Variants in CRYBA4 observed in about 807,000 individuals in gnomAD.
The protein encoded by CRYBA4 is crystallin beta A4.
In CRYBA4, 30 loss-of-function variants were observed where a neutral mutation model predicts 31.7. The ratio of observed to expected loss-of-function variants is 0.95; its 90% CI spans 0.71 to 1.28. The LOEUF is 1.28. Among genes scored for constraint, CRYBA4 ranks in the 50% most tolerant of loss-of-function variants. The probability of loss-of-function intolerance (pLI) is 0.00; values close to 1 mark genes in which losing one functional copy is unlikely to be tolerated. For missense variants in CRYBA4, 225 were observed against 260.7 expected (o/e 0.86, Z 0.94); for synonymous variants, 102 against 102.3 (o/e 1.00, Z 0.02).
chr22:26,628,470 AC>A, intron 5 of CRYBA4, 40 bp downstream of exon 5: 1 of 1,611,236 alleles, frequency 6.2e-7, no homozygotes, highest in Non-Finnish European at 8.5e-7. Context: ...GGGAGGGGCT[AC>A]TGGGAGGGGT....
chr22:26,612,484 T>A, the CRYBA4 span, among the ~76,000 whole-genome samples: 3 of 152,166 alleles, frequency 2.0e-5, no homozygotes, highest in Non-Finnish European at 4.4e-5. Context: ...CACCTCAGCC[T>A]CCGAGTAGTT....
the CRYBA4 span, chr22:26,616,235 C>T: frequency 1.2e-6 from 2 of 1,614,144 alleles, no homozygotes; most frequent in Non-Finnish European, 1.7e-6. Flanking sequence ...GATGTTCCTG[C>T]AGGTGGGGCC....
At chr22:26,627,476 CTCTTTCTTTCCT>C (rs1569211867) in intron 4 of CRYBA4, among the ~76,000 whole-genome samples, 8 of 71,480 alleles carry the variant, frequency 1.1e-4, no homozygotes, top group South Asian at 1.1e-3. Flanking sequence ...TTCTTTCTTT[CTCTTTCTTTCCT>C]TTTCTTTCTT....
the CRYBA4 span, among the ~76,000 whole-genome samples, chr22:26,603,125 C>CAAAAAA: frequency 1.4e-4 from 10 of 69,320 alleles, no homozygotes; most frequent in Non-Finnish European, 1.9e-4. Context: ...GACTCCGTCT[C>CAAAAAA]AAAAAAAAAA....
At chr22:26,600,446 C>T in the CRYBA4 span, among the ~76,000 whole-genome samples, 1 of 151,968 alleles carries the variant, frequency 6.6e-6, no homozygotes, top group Non-Finnish European at 1.5e-5. Flanking sequence ...TGCATCAGTG[C>T]GTAGCAGCTG....
In CRYBA4 at chr22:26,626,726, A is replaced by T. The variant is rs538337695; in HGVS notation, c.300+1104A>T. ...TTGAGTGTCATGTCGTCACTCAAAAAGTTTTAGATTTTGGAGCATTTTGGA... is the reference window on the plus strand; with the variant it reads ...TTGAGTGTCATGTCGTCACTCAAAATGTTTTAGATTTTGGAGCATTTTGGA... On this transcript the variant is annotated intron_variant, in intron 4 of 5. Transcript: ENST00000354760. 2.6e-5 allele frequency among the ~76,000 whole-genome samples: 4 copies of T among 152,322 alleles called. No homozygotes were observed. In the East Asian group the frequency reaches 7.7e-4, roughly 29 times the overall value.
chr22:26,600,380 G>T, the CRYBA4 span, among the ~76,000 whole-genome samples: 1 of 151,932 alleles, frequency 6.6e-6, no homozygotes, highest in Non-Finnish European at 1.5e-5. Context: ...CCAGCCTGAG[G>T]GACAGAGCGA....
At chr22:26,628,587 G>A (rs1480675070) in intron 5 of CRYBA4, among the ~76,000 whole-genome samples, 157 bp downstream of exon 5, 6 of 151,976 alleles carry the variant, frequency 3.9e-5, no homozygotes, top group African/African-American at 7.3e-5. Flanking sequence ...AGAATTTGAG[G>A]GACTGAAACC....
chr22:26,604,904 C>T, the CRYBA4 span, among the ~76,000 whole-genome samples: 1 of 152,170 alleles, frequency 6.6e-6, no homozygotes, highest in Non-Finnish European at 1.5e-5. Flanking sequence ...CTGAACTTGC[C>T]ACCACCTATG....
At position 26,625,586 on chromosome 22, in the gene CRYBA4, C is replaced by T. The variant is rs758002733; in HGVS notation, c.264C>T (p.Ala88=). ...DAWGGNTAYP[A]ERLTSFRPAA... is the part of the protein sequence containing the mutation. ...GGGGCGGCAACACGGCCTACCCCGC[C>T]GAGAGGCTCACCTCCTTCCGGCCTG... Residue 88 remains alanine (A), a synonymous_variant, in exon 4 of 6, where the codon GCC becomes GCT. Transcript: ENST00000354760. The T allele has an allele frequency of 1.6e-5, 26 of 1,613,850 alleles. No homozygotes were observed. Among genetic ancestry groups the T allele is most frequent in the South Asian group, 7.7e-5 (7 of 91,068 alleles).
intron 4 of CRYBA4, among the ~76,000 whole-genome samples, chr22:26,626,030 T>G (rs1293864021): frequency 6.6e-6 from 1 of 152,206 alleles, no homozygotes; most frequent in Non-Finnish European, 1.5e-5. Flanking sequence ...ATCTTACATT[T>G]TACTGCTGTT....
At chr22:26,616,221 AG>A in the CRYBA4 span, 2 of 1,613,832 alleles carry the variant, frequency 1.2e-6, no homozygotes, top group Admixed American at 3.3e-5. Flanking sequence ...TGCCGGGACT[AG>A]GGGATGTTCC....
chr22:26,619,821 C>A (rs527984564), upstream of CRYBA4, among the ~76,000 whole-genome samples: 1 of 152,222 alleles, frequency 6.6e-6, no homozygotes, highest in Non-Finnish European at 1.5e-5. Context: ...CAGTTCCGTG[C>A]CCCCCCTAAA....
chr22:26,598,603 C>T, the CRYBA4 span, among the ~76,000 whole-genome samples: 6 of 152,160 alleles, frequency 3.9e-5, no homozygotes, highest in African/African-American at 1.4e-4. Flanking sequence ...AGGCTGGTCT[C>T]CAACTCCTGA....
In CRYBA4 at chr22:26,626,368, C is replaced by A. The variant is rs1185962087; in HGVS notation, c.300+746C>A. On this transcript the variant is annotated intron_variant, in intron 4 of 5. Transcript: ENST00000354760. ...GCAGTGAGCCAAGATCGCACCACTG[C>A]ATTCCAGCCTGGGCGCCAGAGCAAG... 3.9e-5 allele frequency among the ~76,000 whole-genome samples: 6 copies of A among 152,226 alleles called. 1 individual carries two copies. Among genetic ancestry groups the A allele is most frequent in the Non-Finnish European group, 7.3e-5 (5 of 68,038 alleles).
upstream of CRYBA4, chr22:26,621,876 C>A (rs1929542210): frequency 1.1e-5 from 7 of 636,310 alleles, no homozygotes; most frequent in South Asian, 4.9e-4. Flanking sequence ...GTTTCTGTGG[C>A]CCAGTTGCTG....
chr22:26,630,276 C>A, intron 5 of CRYBA4, 64 bp from the exon 6 acceptor site: 1 of 1,603,424 alleles, frequency 6.2e-7, no homozygotes, highest in Non-Finnish European at 8.5e-7. Context: ...GATCCCTTTG[C>A]CCCTGTGTTG....
At chr22:26,602,029 A>G in the CRYBA4 span, 65 of 1,613,374 alleles carry the variant, frequency 4.0e-5, no homozygotes, top group South Asian at 4.1e-4. Flanking sequence ...ATCCTGGGGA[A>G]AGAGAGGCCG....
At chr22:26,618,420 G>C (rs1487898824), upstream of CRYBA4, among the ~76,000 whole-genome samples, 2 of 152,182 alleles carry the variant, frequency 1.3e-5, no homozygotes, top group Non-Finnish European at 2.9e-5. Flanking sequence ...CCCCTAGGGG[G>C]GCCTCTGTGT....
Sources: allele counts gnomAD v4.1 joint callset (sites outside exome capture counted in the v4.1 genomes callset), GRCh38; gene constraint gnomAD v4.1.1; transcripts MANE v1.5; gene names NCBI Gene and HGNC (gene_info 2026-07-23, HGNC 2026-07-21).